EPS8: variants seen among roughly 807,000 people sequenced by gnomAD.
EPS8 encodes the protein EGFR pathway substrate 8, signaling adaptor.
A neutral mutation model predicts 103.8 loss-of-function variants in EPS8; 42 were observed. That is an observed-to-expected ratio of 0.40 (90% CI 0.32 to 0.52). EPS8 has a LOEUF of 0.52. Ranked by LOEUF, EPS8 falls within the 20% of genes least tolerant of loss-of-function variation. The pLI is 0.40. For synonymous variants in EPS8, 344 were observed against 344.6 expected, an observed-to-expected ratio of 1.00 and a Z score of 0.02; for missense variants, 969 against 1,005.1, an observed-to-expected ratio of 0.96 and a Z score of 0.49.
chr12:15,711,767 T>C (rs1415867184), intron 1 of EPS8, among the ~76,000 whole-genome samples: 1 of 152,206 alleles, frequency 6.6e-6, no homozygotes, highest in African/African-American at 2.4e-5. Flanking sequence ...TAATGCTCTT[T>C]ACAGTATATA....
intron 15 of EPS8, among the ~76,000 whole-genome samples, chr12:15,643,161 C>A (rs1326903065): frequency 2.0e-5 from 3 of 152,120 alleles, no homozygotes; most frequent in African/African-American, 7.2e-5. Flanking sequence ...GATTCAACTA[C>A]CCCAAACATT....
At chr12:15,658,462 T>A (rs779702427) in intron 11 of EPS8, 35 bp downstream of exon 11, 44 of 1,281,832 alleles carry the variant, frequency 3.4e-5, no homozygotes, top group Non-Finnish European at 4.8e-5. Flanking sequence ...TTTCCATTTA[T>A]TTCTTCTAAT....
rs1945043760 is a variant in EPS8 at position 15,631,456 on chromosome 12, T to C, written c.2030A>G (p.Gln677Arg). ...GGGAAACTTACGGTCCACCGGAAGTTGTTTGTGTCTCTGGCTGTCTCGCAC... is the reference window on the plus strand; with the variant it reads ...GGGAAACTTACGGTCCACCGGAAGTCGTTTGTGTCTCTGGCTGTCTCGCAC... Reference protein sequence around the residue: ...SIVRDSQRHKQLPVDRRKSQM... With the variant: ...SIVRDSQRHKRLPVDRRKSQM... The change falls in exon 18 of 21, where the codon CAA becomes CGA. Residue 677 changes from glutamine to arginine, a missense_variant. By Grantham distance (43) the Gln-to-Arg change is conservative. Coordinates refer to ENST00000281172, the MANE Select transcript of EPS8 (RefSeq NM_004447.6). The C allele has an allele frequency of 6.2e-7, 1 of 1,614,066 alleles. No individual in the cohort carries two copies. Among genetic ancestry groups the C allele is most frequent in the Non-Finnish European group, 8.5e-7 (1 of 1,179,940 alleles).
In EPS8 at chr12:15,776,406, G is replaced by A. The variant is rs1487510049; in HGVS notation, c.-22+12755C>T. On this transcript the variant is annotated intron_variant, in intron 1 of 20. Transcript: ENST00000281172. This position sits in a 1 kb window ranked among gnomAD's most constrained non-coding sequence, Gnocchi z 4.2. ...AGAAAAAAACAGCTGGCTTAGGTGA[G>A]TGACCTACTCTAAAAACCTTCCCCT... Among the ~76,000 whole-genome samples the A allele has an allele frequency of 1.3e-5, 2 of 152,188 alleles. No individual in the cohort carries two copies. The highest frequency in any genetic ancestry group is 4.8e-5 in the African/African-American group (2 of 41,450).
At chr12:15,755,060 C>T (rs1468217388) in intron 1 of EPS8, among the ~76,000 whole-genome samples, 1 of 152,152 alleles carries the variant, frequency 6.6e-6, no homozygotes, top group Admixed American at 6.5e-5. Context: ...TCAGCTTGAT[C>T]CTAGTGGTTA....
intron 17 of EPS8, among the ~76,000 whole-genome samples, chr12:15,632,001 T>C (rs998944592): frequency 6.6e-6 from 1 of 152,208 alleles, no homozygotes; most frequent in Non-Finnish European, 1.5e-5. Flanking sequence ...TATTTTTTAA[T>C]TTATGCTAAT....
rs1433457979 is a variant in EPS8 at position 15,697,534 on chromosome 12, A to T, written c.-21-14562T>A. 6.6e-6 allele frequency among the ~76,000 whole-genome samples: 1 copy of T among 152,244 alleles called. No homozygotes were observed. Among genetic ancestry groups the T allele is most frequent in the East Asian group, 1.9e-4 (1 of 5,198 alleles). ...TTCCCACTTTACAGATGAATAAGCT[A>T]GGTACAGAGTTTAATAACATGTTCA... is the stretch of plus-strand genomic sequence containing the variant. On this transcript the variant is annotated intron_variant, in intron 1 of 20. Coordinates refer to ENST00000281172, the MANE Select transcript of EPS8 (RefSeq NM_004447.6). The surrounding 1 kb of genome is among the most constrained non-coding windows in gnomAD (Gnocchi z 5.6).
chr12:15,686,834 T>C (rs1437662304), intron 1 of EPS8, among the ~76,000 whole-genome samples: 3 of 152,158 alleles, frequency 2.0e-5, no homozygotes, highest in African/African-American at 7.2e-5. Flanking sequence ...TGCTGCCACA[T>C]AATTAGTAAC....
chr12:15,761,993 C>A lies in EPS8; in HGVS notation c.-22+27168G>T, dbSNP rs1372484495. Among the ~76,000 whole-genome samples, 5 of 150,316 alleles carry A rather than the reference C, an allele frequency of 3.3e-5. No individual in the cohort carries two copies. The highest frequency in any genetic ancestry group is 5.0e-5 in the African/African-American group (2 of 39,690). Reference sequence around the variant, plus strand: ...CAAATGAAACAACAAAGTGAAGAGACAACCCACAGAATCAGAGAAAATATA... The same window carrying A: ...CAAATGAAACAACAAAGTGAAGAGAAAACCCACAGAATCAGAGAAAATATA... On this transcript the variant is annotated intron_variant, in intron 1 of 20. Transcript: ENST00000281172. The surrounding 1 kb of genome is among the most constrained non-coding windows in gnomAD (Gnocchi z 4.5).
rs1947207998 is a variant in EPS8 at position 15,776,499 on chromosome 12, T to C, written c.-22+12662A>G. On this transcript the variant is annotated intron_variant, in intron 1 of 20. Coordinates refer to ENST00000281172, the MANE Select transcript of EPS8 (RefSeq NM_004447.6). The surrounding 1 kb of genome is among the most constrained non-coding windows in gnomAD (Gnocchi z 4.2). ...TTGGCCTCTATGCATCAGCAAGCAT[T>C]TGTTACACCTAATACCCAAAACCCA... Among the ~76,000 whole-genome samples the C allele has an allele frequency of 6.6e-6, 1 of 152,146 alleles. No individual in the cohort carries two copies. The highest frequency in any genetic ancestry group is 2.4e-5 in the African/African-American group (1 of 41,424).
At chr12:15,670,352 T>G (rs1466909076) in intron 4 of EPS8, among the ~76,000 whole-genome samples, 1 of 152,108 alleles carries the variant, frequency 6.6e-6, no homozygotes, top group Non-Finnish European at 1.5e-5. Context: ...TTGACATAGG[T>G]AGAAAACTGA....
chr12:15,739,714 C>G (rs1484480044), intron 1 of EPS8, among the ~76,000 whole-genome samples: 1 of 152,130 alleles, frequency 6.6e-6, no homozygotes, highest in Non-Finnish European at 1.5e-5. Context: ...TATCGTGGGA[C>G]TTCTCAGCCT....
At chr12:15,624,460 C>A in intron 18 of EPS8, 53 bp from the exon 19 acceptor site, 7 of 1,369,448 alleles carry the variant, frequency 5.1e-6, no homozygotes, top group Non-Finnish European at 7.0e-6. Flanking sequence ...TATTACATCA[C>A]CCTCTCTAGA....
In EPS8 at chr12:15,660,698, T is replaced by C; in HGVS notation, c.853A>G (p.Thr285Ala). ...GCTTCTGCTGCTTTTTGGAGTTTTG[T>C]GATAAAAAATTCAATGTCATCCAAA... ...HILDDIEFFI[T>A]KLQKAAEAFS... Residue 285 changes from threonine (T) to alanine (A), a missense_variant, in exon 10 of 21, where the codon ACA becomes GCA. Coordinates refer to ENST00000281172, the MANE Select transcript of EPS8 (RefSeq NM_004447.6). The C allele has an allele frequency of 6.2e-7, 1 of 1,611,684 alleles. No individual in the cohort carries two copies. The highest frequency in any genetic ancestry group is 8.5e-7 in the Non-Finnish European group (1 of 1,178,256).
At chr12:15,632,286 T>C (rs10772864) in intron 17 of EPS8, among the ~76,000 whole-genome samples, 151,114 of 152,262 alleles carry the variant, frequency 0.99, 75,000 homozygotes, top group East Asian at 1. Context: ...GATTGCAACT[T>C]ACAAACGAAT....
intron 3 of EPS8, among the ~76,000 whole-genome samples, chr12:15,678,914 C>CAAA (rs34794895): frequency 9.1e-5 from 5 of 54,706 alleles, no homozygotes; most frequent in East Asian, 5.7e-4. Context: ...ACTCTGTCTC[C>CAAA]AAAAAAAAAA....
At chr12:15,715,303 C>T (rs528999819) in intron 1 of EPS8, among the ~76,000 whole-genome samples, 11 of 152,076 alleles carry the variant, frequency 7.2e-5, no homozygotes, top group Non-Finnish European at 1.5e-4. Context: ...GGCAGCCCAA[C>T]ATCCCCCTTG....
intron 14 of EPS8, among the ~76,000 whole-genome samples, chr12:15,649,437 A>C (rs952352479): frequency 1.3e-5 from 2 of 152,198 alleles, no homozygotes; most frequent in African/African-American, 4.8e-5. Flanking sequence ...GTTTGATTAT[A>C]TTTTCTTTCC....
chr12:15,682,375 C>T (rs1002871803), intron 2 of EPS8, among the ~76,000 whole-genome samples: 12 of 152,062 alleles, frequency 7.9e-5, no homozygotes, highest in Admixed American at 1.3e-4. Context: ...TAACATTAAT[C>T]GTAATACATA....
Sources: allele counts gnomAD v4.1 joint callset (sites outside exome capture counted in the v4.1 genomes callset), GRCh38; gene constraint gnomAD v4.1.1; non-coding constraint Gnocchi (gnomAD v3.1); transcripts MANE v1.5; gene names NCBI Gene and HGNC (gene_info 2026-07-23, HGNC 2026-07-21).